FBXL7: variants seen among roughly 807,000 people sequenced by gnomAD.
FBXL7 encodes F-box and leucine rich repeat protein 7.
In FBXL7, 12 loss-of-function variants were observed where a neutral mutation model predicts 38.3. The ratio of observed to expected loss-of-function variants is 0.31; its 90% CI spans 0.20 to 0.51. FBXL7 has a LOEUF of 0.51. Among genes scored for constraint, FBXL7 ranks in the 20% least tolerant of loss-of-function variants. The pLI, the probability that FBXL7 is intolerant of heterozygous loss-of-function variation, is 0.98. For missense variants in FBXL7, 567 were observed against 676.4 expected (o/e 0.84, Z 1.79); for synonymous variants, 297 against 300.9 (o/e 0.99, Z 0.13).
At chr5:15,601,418 G>A (rs1355898425) in intron 1 of FBXL7, among the ~76,000 whole-genome samples, 2 of 152,144 alleles carry the variant, frequency 1.3e-5, no homozygotes, top group African/African-American at 4.8e-5. Context: ...ACTCTCTTCA[G>A]AAACCCAGCT....
At chr5:15,584,951 A>G (rs775408962) in intron 1 of FBXL7, among the ~76,000 whole-genome samples, 2 of 152,204 alleles carry the variant, frequency 1.3e-5, no homozygotes, top group African/African-American at 2.4e-5. Flanking sequence ...ATACTATTAC[A>G]AATTAGTTGT....
chr5:15,615,331 C>T (rs1213727825), intron 1 of FBXL7, among the ~76,000 whole-genome samples: 1 of 152,170 alleles, frequency 6.6e-6, no homozygotes, highest in Non-Finnish European at 1.5e-5. Context: ...AGACGTTTAG[C>T]AACATGCCTG....
intron 1 of FBXL7, among the ~76,000 whole-genome samples, chr5:15,567,025 C>T (rs1326569303): frequency 1.3e-5 from 2 of 152,136 alleles, no homozygotes; most frequent in Non-Finnish European, 2.9e-5. Context: ...TACTACTGCT[C>T]ATCTGCTTCA....
chr5:15,531,058 A>T (rs1412224541), intron 1 of FBXL7, among the ~76,000 whole-genome samples: 1 of 152,236 alleles, frequency 6.6e-6, no homozygotes, highest in Non-Finnish European at 1.5e-5. Context: ...TTGGAAAAGA[A>T]TCAAAATCAA....
chr5:15,661,363 T>C (rs2126584508), intron 2 of FBXL7, among the ~76,000 whole-genome samples: 1 of 149,964 alleles, frequency 6.7e-6, no homozygotes, highest in South Asian at 2.1e-4. Context: ...ACATTTTTAG[T>C]TCTTCCGTTC....
At chr5:15,842,156 G>T (rs257767) in intron 2 of FBXL7, among the ~76,000 whole-genome samples, 80,942 of 151,994 alleles carry the variant, frequency 0.53, 22,788 homozygotes, top group Non-Finnish European at 0.63. Flanking sequence ...TGGGAGGGGG[G>T]CTGAACCCTG....
intron 2 of FBXL7, among the ~76,000 whole-genome samples, chr5:15,674,163 T>C (rs1017903527): frequency 1.3e-5 from 2 of 152,218 alleles, no homozygotes; most frequent in African/African-American, 4.8e-5. Context: ...AGAGACTAGA[T>C]TAAGAACTAG....
At position 15,928,527 on chromosome 5, in the gene FBXL7, A is replaced by C. The variant is rs1488320843; in HGVS notation, c.739+26A>C. On this transcript the variant is annotated intron_variant, in intron 3 of 3. Coordinates refer to ENST00000504595, the MANE Select transcript of FBXL7 (RefSeq NM_012304.5). This position sits in a 1 kb window ranked among gnomAD's most constrained non-coding sequence, Gnocchi z 4.0. ...GTAAATGGACACTGACCTACCAGCTATGGGCCCTCCTGGTGCACCATCCTA... is the reference window on the plus strand; with the variant it reads ...GTAAATGGACACTGACCTACCAGCTCTGGGCCCTCCTGGTGCACCATCCTA... The C allele has an allele frequency of 1.3e-6, 2 of 1,588,052 alleles. No homozygotes were observed. The highest frequency in any genetic ancestry group is 2.7e-5 in the African/African-American group (2 of 74,574).
chr5:15,783,320 A>G (rs1737046917), intron 2 of FBXL7, among the ~76,000 whole-genome samples: 4 of 152,172 alleles, frequency 2.6e-5, no homozygotes, highest in South Asian at 2.1e-4. Flanking sequence ...AGGGACCTGC[A>G]TGGTGCAGTT....
intron 2 of FBXL7, among the ~76,000 whole-genome samples, chr5:15,764,607 C>G (rs1041419326): frequency 2.0e-5 from 3 of 152,184 alleles, no homozygotes; most frequent in Non-Finnish European, 2.9e-5. Context: ...AGCCATGAGG[C>G]CAGACCAGTT....
chr5:15,747,978 C>T (rs759818794), intron 2 of FBXL7, among the ~76,000 whole-genome samples: 50 of 152,160 alleles, frequency 3.3e-4, no homozygotes, highest in Admixed American at 6.5e-5. Flanking sequence ...TGGCCCTTAC[C>T]CAGTCCCAAT....
At chr5:15,865,812 A>G (rs1466513844) in intron 2 of FBXL7, among the ~76,000 whole-genome samples, 5 of 152,166 alleles carry the variant, frequency 3.3e-5, no homozygotes, top group Admixed American at 3.3e-4. Flanking sequence ...AGCTATTTTC[A>G]TCATAATTGT....
chr5:15,885,799 C>T (rs891769347), intron 2 of FBXL7, among the ~76,000 whole-genome samples: 15 of 152,096 alleles, frequency 9.9e-5, no homozygotes, highest in African/African-American at 3.4e-4. Flanking sequence ...GCCTCAATTT[C>T]CCAGGTTTAA....
intron 2 of FBXL7, among the ~76,000 whole-genome samples, chr5:15,841,568 T>C (rs1484697940): frequency 6.6e-6 from 1 of 152,174 alleles, no homozygotes; most frequent in Non-Finnish European, 1.5e-5. Flanking sequence ...TCCTGAAATA[T>C]GTCCCAACAT....
Position 15,937,215 on chromosome 5 carries a change from C to G in FBXL7, c.*29C>G. 1 of 1,538,958 alleles carries G rather than the reference C, an allele frequency of 6.5e-7. No individual in the cohort carries two copies. The highest frequency in any genetic ancestry group is 1.2e-5 in the South Asian group (1 of 82,568). On this transcript the variant is annotated 3_prime_UTR_variant, in exon 4 of 4. Coordinates refer to ENST00000504595, the MANE Select transcript of FBXL7 (RefSeq NM_012304.5). ...GACAGAGTTCATCCGGCGTTGTATTCACACAAACCTGAACAAAGCAAATTT... is the reference window on the plus strand; with the variant it reads ...GACAGAGTTCATCCGGCGTTGTATTGACACAAACCTGAACAAAGCAAATTT...
intron 2 of FBXL7, among the ~76,000 whole-genome samples, chr5:15,670,634 C>T (rs1742434914): frequency 1.3e-5 from 2 of 152,050 alleles, no homozygotes. Flanking sequence ...AACACTTTCT[C>T]TACTAAAAAT....
At chr5:15,666,007 G>T (rs1488463459) in intron 2 of FBXL7, among the ~76,000 whole-genome samples, 5 of 152,138 alleles carry the variant, frequency 3.3e-5, no homozygotes, top group African/African-American at 1.2e-4. Context: ...GGATCTAGAG[G>T]ATCCTAATCT....
intron 2 of FBXL7, among the ~76,000 whole-genome samples, chr5:15,797,248 C>G (rs191496112): frequency 8.5e-4 from 129 of 152,186 alleles, no homozygotes; most frequent in Admixed American, 1.7e-3. Context: ...TCATCAAGTC[C>G]CAACATGCTT....
chr5:15,776,403 C>G (rs985978965), intron 2 of FBXL7, among the ~76,000 whole-genome samples: 1 of 152,034 alleles, frequency 6.6e-6, no homozygotes, highest in African/African-American at 2.4e-5. Context: ...ATTATAAATG[C>G]AATCTGAAGA....
Sources: gnomAD v4.1 joint callset for allele counts (sites outside exome capture counted in the v4.1 genomes callset) on GRCh38, gnomAD v4.1.1 for gene constraint, Gnocchi (gnomAD v3.1) non-coding constraint, MANE v1.5 for transcripts, NCBI Gene and HGNC (gene_info 2026-07-23, HGNC 2026-07-21) for gene names.